The following PPFIA2 variants were observed in gnomAD, a reference collection of about 807,000 sequenced individuals.
The protein encoded by PPFIA2 is liprin-alpha-2.
Under a neutral mutation model 175.5 loss-of-function variants are expected in PPFIA2, and 46 were observed. The observed-to-expected ratio is 0.26, with a 90% CI of 0.21 to 0.34. The LOEUF (loss-of-function observed/expected upper bound fraction) is 0.34, where lower values mean the gene tolerates loss of function less well. Among genes scored for constraint, PPFIA2 ranks in the 10% least tolerant of loss-of-function variants. The pLI, the probability that PPFIA2 is intolerant of heterozygous loss-of-function variation, is 1.00. For synonymous variants in PPFIA2, 568 were observed against 511.4 expected, an observed-to-expected ratio of 1.11 and a Z score of -1.49; for missense variants, 1,179 against 1,506.1, an observed-to-expected ratio of 0.78 and a Z score of 3.60.
chr12:81,530,871 C>T (rs1326597033), intron 4 of PPFIA2, among the ~76,000 whole-genome samples: 7 of 151,870 alleles, frequency 4.6e-5, no homozygotes, highest in Admixed American at 1.3e-4. Context: ...AAGTCAGGCT[C>T]GTGATTGAAA....
chr12:81,522,307 TCTACTGTGG>T (rs2153240652), intron 4 of PPFIA2, among the ~76,000 whole-genome samples: 1 of 152,286 alleles, frequency 6.6e-6, no homozygotes, highest in African/African-American at 2.4e-5. Flanking sequence ...ATATTAACCA[TCTACTGTGG>T]ATTTTATAGA....
chr12:81,355,499 T>C (rs1164319019), intron 16 of PPFIA2, among the ~76,000 whole-genome samples: 2 of 152,164 alleles, frequency 1.3e-5, no homozygotes, highest in African/African-American at 4.8e-5. Flanking sequence ...AGCCAGTCAT[T>C]TACTTTTCTT....
At position 81,754,148 on chromosome 12, in the gene PPFIA2, G is replaced by A. The variant is rs752485705; in HGVS notation, c.74C>T (p.Ser25Leu). The change falls in exon 3 of 33, where the codon TCG becomes TTG. Residue 25 changes from serine (S) to leucine (L), a missense_variant. Coordinates refer to ENST00000549396, the MANE Select transcript of PPFIA2 (RefSeq NM_003625.5). ...MSQRGSQSSGSDSDSHFEQLM... is the reference protein window; with the variant it reads ...MSQRGSQSSGLDSDSHFEQLM... The stretch of plus-strand genomic sequence containing the variant: ...CTGCTCAAAATGGGAGTCTGAGTCC[G>A]AGCCACTGCTTTGGGACCCCCTTTG... 4.0e-5 allele frequency: 64 copies of A among 1,613,110 alleles called. No homozygotes were observed. The highest frequency in any genetic ancestry group is 1.8e-4 in the South Asian group (16 of 90,860).
intron 28 of PPFIA2, among the ~76,000 whole-genome samples, chr12:81,269,019 C>G (rs1385577805): frequency 1.3e-5 from 2 of 152,248 alleles, no homozygotes; most frequent in Middle Eastern, 3.4e-3. Context: ...ATTGTTTCCA[C>G]TCTATTGAAA....
chr12:81,412,394 AT>A (rs1025513909), intron 7 of PPFIA2, among the ~76,000 whole-genome samples: 4 of 149,496 alleles, frequency 2.7e-5, no homozygotes, highest in African/African-American at 9.8e-5. Context: ...GCAATTATTT[AT>A]TTAGCTCTTA....
intron 4 of PPFIA2, among the ~76,000 whole-genome samples, chr12:81,646,048 C>T (rs1002678320): frequency 1.3e-5 from 2 of 152,156 alleles, no homozygotes; most frequent in African/African-American, 4.8e-5. Flanking sequence ...ATTGGCTGCA[C>T]TGGCAAAGAG....
intron 4 of PPFIA2, among the ~76,000 whole-genome samples, chr12:81,622,494 A>C (rs2062171217): frequency 6.6e-6 from 1 of 152,164 alleles, no homozygotes; most frequent in African/African-American, 2.4e-5. Flanking sequence ...TATAAGGCAT[A>C]TAACAGTGGA....
chr12:81,562,895 A>G (rs1242661884), intron 4 of PPFIA2, among the ~76,000 whole-genome samples: 1 of 148,416 alleles, frequency 6.7e-6, no homozygotes, highest in Non-Finnish European at 1.5e-5. Flanking sequence ...TGTTGAATGT[A>G]CAATAACTAC....
intron 8 of PPFIA2, among the ~76,000 whole-genome samples, chr12:81,399,840 G>A (rs2041829456): frequency 6.6e-6 from 1 of 152,094 alleles, no homozygotes; most frequent in Non-Finnish European, 1.5e-5. Flanking sequence ...ATACACAGAA[G>A]AAAATATTCT....
chr12:81,618,937 T>G, intron 4 of PPFIA2, among the ~76,000 whole-genome samples: 1 of 152,158 alleles, frequency 6.6e-6, no homozygotes, highest in East Asian at 1.9e-4. Flanking sequence ...AGTCTAGGCT[T>G]TATATTAAGC....
chr12:81,389,548 G>T (rs2039708876), intron 8 of PPFIA2, among the ~76,000 whole-genome samples: 1 of 151,938 alleles, frequency 6.6e-6, no homozygotes, highest in Admixed American at 6.6e-5. Context: ...ACTTGCATTT[G>T]CAGAAAATAT....
Position 81,299,376 on chromosome 12 carries a change from T to G in PPFIA2, c.2649A>C (p.Glu883Asp). ...CCTTTCTCCGAGCTTCTTCAAGAAG[T>G]TCATGCCTGAAGTATATAGCAAAGA... Reference protein sequence around the residue: ...EKDRRLKKKHELLEEARRKGL... With the variant: ...EKDRRLKKKHDLLEEARRKGL... The change falls in exon 23 of 33, where the codon GAA becomes GAC. Residue 883 changes from glutamate (E) to aspartate (D), a missense_variant. Coordinates refer to ENST00000549396, the MANE Select transcript of PPFIA2 (RefSeq NM_003625.5). 3.2e-6 allele frequency: 5 copies of G among 1,584,222 alleles called. No individual in the cohort carries two copies. The highest frequency in any genetic ancestry group is 4.3e-6 in the Non-Finnish European group (5 of 1,163,922).
chr12:81,636,200 C>T (rs2063992205), intron 4 of PPFIA2, among the ~76,000 whole-genome samples: 2 of 151,816 alleles, frequency 1.3e-5, no homozygotes, highest in African/African-American at 4.8e-5. Flanking sequence ...AGACATTAAT[C>T]TCTATTGGCG....
chr12:81,629,326 A>G (rs532385730), intron 4 of PPFIA2, among the ~76,000 whole-genome samples: 56 of 152,192 alleles, frequency 3.7e-4, no homozygotes, highest in Non-Finnish European at 7.1e-4. Context: ...AGCCTTTAAG[A>G]TTAAAAATAA....
At chr12:81,705,049 A>ACTCCAACC (rs1228924597) in intron 3 of PPFIA2, among the ~76,000 whole-genome samples, 2 of 127,802 alleles carry the variant, frequency 1.6e-5, no homozygotes, top group African/African-American at 5.8e-5. Flanking sequence ...GTGTCATTGC[A>ACTCCAACC]CTCCAACCTG....
chr12:81,369,797 A>T (rs535177271), intron 11 of PPFIA2, among the ~76,000 whole-genome samples: 8 of 151,928 alleles, frequency 5.3e-5, no homozygotes, highest in African/African-American at 1.7e-4. Context: ...CAGAATGCTT[A>T]AAAGAAAAGT....
intron 4 of PPFIA2, among the ~76,000 whole-genome samples, chr12:81,486,817 A>G (rs930998318): frequency 6.6e-6 from 1 of 151,870 alleles, no homozygotes; most frequent in African/African-American, 2.4e-5. Context: ...TCAAGAAATA[A>G]TTTTTATATA....
chr12:81,383,393 G>A (rs2038195182), intron 9 of PPFIA2, among the ~76,000 whole-genome samples: 1 of 152,042 alleles, frequency 6.6e-6, no homozygotes, highest in Non-Finnish European at 1.5e-5. Context: ...ACCTTAGCAG[G>A]TAAAATGATT....
intron 11 of PPFIA2, among the ~76,000 whole-genome samples, chr12:81,373,502 G>T (rs2035669807): frequency 6.6e-6 from 1 of 152,030 alleles, no homozygotes; most frequent in African/African-American, 2.4e-5. Context: ...TACTGGCATG[G>T]TTTGTGACTA....
Sources: allele counts gnomAD v4.1 joint callset (sites outside exome capture counted in the v4.1 genomes callset), GRCh38; gene constraint gnomAD v4.1.1; transcripts MANE v1.5; gene names NCBI Gene and HGNC (gene_info 2026-07-23, HGNC 2026-07-21).